The following FRMD4B variants were observed in gnomAD, a reference collection of about 807,000 sequenced individuals.
The protein encoded by FRMD4B is FERM domain containing 4B.
In FRMD4B, 74 loss-of-function variants were observed where a neutral mutation model predicts 141.5. That is an observed-to-expected ratio of 0.52 (90% confidence interval 0.43 to 0.63). The LOEUF (loss-of-function observed/expected upper bound fraction) is 0.63. Among genes scored for constraint, FRMD4B ranks in the 30% least tolerant of loss-of-function variants. The pLI is 0.00. For synonymous variants in FRMD4B, 506 were observed against 467.9 expected, an observed-to-expected ratio of 1.08 and a Z score of -1.05; for missense variants, 1,366 against 1,253.4, an observed-to-expected ratio of 1.09 and a Z score of -1.36.
chr3:69,501,299 C>A (rs1706493054), intron 1 of FRMD4B, among the ~76,000 whole-genome samples: 1 of 144,676 alleles, frequency 6.9e-6, no homozygotes, highest in South Asian at 2.2e-4. Context: ...TGGCCCAAGA[C>A]AATTCTTCCA....
At chr3:69,244,852 T>C (rs11708266) in intron 7 of FRMD4B, among the ~76,000 whole-genome samples, 35,803 of 152,026 alleles carry the variant, frequency 0.24, 4,462 homozygotes, top group African/African-American at 0.32. Flanking sequence ...TGCACTCCAG[T>C]CTGGATAACA....
intron 7 of FRMD4B, among the ~76,000 whole-genome samples, chr3:69,230,704 C>T (rs2093298424): frequency 6.6e-6 from 1 of 151,562 alleles, no homozygotes; most frequent in Non-Finnish European, 1.5e-5. Context: ...GTTGAGATCG[C>T]ATCATCGCAC....
At chr3:69,486,849 C>T (rs1232875399) in intron 1 of FRMD4B, among the ~76,000 whole-genome samples, 1 of 152,186 alleles carries the variant, frequency 6.6e-6, no homozygotes, top group Non-Finnish European at 1.5e-5. Context: ...AGAATAATTT[C>T]ACAAAGCCTC....
At chr3:69,489,829 C>T (rs923446017) in intron 1 of FRMD4B, among the ~76,000 whole-genome samples, 3 of 152,186 alleles carry the variant, frequency 2.0e-5, no homozygotes, top group African/African-American at 2.4e-5. Context: ...GAGAACAAGC[C>T]TAATATTCAT....
chr3:69,281,839 AT>A (rs1479627323), intron 5 of FRMD4B, among the ~76,000 whole-genome samples: 2 of 36,832 alleles, frequency 5.4e-5, no homozygotes, highest in African/African-American at 1.4e-4. Context: ...AAAAAAAAAA[AT>A]ATATATATAT....
At chr3:69,456,582 C>T (rs1363962125) in intron 1 of FRMD4B, among the ~76,000 whole-genome samples, 1 of 152,098 alleles carries the variant, frequency 6.6e-6, no homozygotes, top group Admixed American at 6.5e-5. Context: ...CTATGTTAAT[C>T]GTGTCTCCTG....
chr3:69,396,694 C>T (rs923786025), intron 2 of FRMD4B, among the ~76,000 whole-genome samples: 24 of 152,160 alleles, frequency 1.6e-4, no homozygotes, highest in Admixed American at 1.3e-3. Flanking sequence ...TGAATAATAA[C>T]AAATGTTGGC....
chr3:69,259,580 G>A (rs980987766), intron 5 of FRMD4B, among the ~76,000 whole-genome samples: 4 of 152,094 alleles, frequency 2.6e-5, no homozygotes, highest in Non-Finnish European at 5.9e-5. Context: ...TCTCTCCTTT[G>A]CTCTGGGTCA....
chr3:69,490,996 A>G (rs1220319137), intron 1 of FRMD4B, among the ~76,000 whole-genome samples: 2 of 152,206 alleles, frequency 1.3e-5, no homozygotes, highest in African/African-American at 4.8e-5. Context: ...TCTCCCCGAG[A>G]GACTGATTCC....
intron 11 of FRMD4B, among the ~76,000 whole-genome samples, chr3:69,213,644 C>A (rs113542032): frequency 7.0e-6 from 1 of 142,220 alleles, no homozygotes. Context: ...TTGAATGATG[C>A]GCTGTTGTTT....
chr3:69,429,454 A>G (rs1705141605), intron 2 of FRMD4B, among the ~76,000 whole-genome samples: 1 of 152,202 alleles, frequency 6.6e-6, no homozygotes, highest in Admixed American at 6.5e-5. Context: ...CCAGTCTCAT[A>G]GGTGACGAGC....
At chr3:69,487,799 C>T (rs1398010027) in intron 1 of FRMD4B, among the ~76,000 whole-genome samples, 2 of 152,144 alleles carry the variant, frequency 1.3e-5, no homozygotes, top group Non-Finnish European at 2.9e-5. Context: ...AGAGGATTCA[C>T]GGAGAGAGGA....
At position 69,373,669 on chromosome 3, in the gene FRMD4B, T is replaced by C. The variant is rs142380766; in HGVS notation, c.162+12159A>G. Among the ~76,000 whole-genome samples the C allele has an allele frequency of 3.8e-3, 573 of 152,154 alleles. 1 individual carries two copies. The highest frequency in any genetic ancestry group is 0.01 in the Middle Eastern group (3 of 294). The stretch of plus-strand genomic sequence containing the variant: ...GGGAGGATTGCTTGAGGGCAGGATT[T>C]CAAGACCAGCCTGGGCAACAACAAG... On this transcript the variant is annotated intron_variant, in intron 1 of 22. Transcript: ENST00000398540.
At chr3:69,182,347 C>T (rs568546875) in intron 20 of FRMD4B, among the ~76,000 whole-genome samples, 1 of 152,264 alleles carries the variant, frequency 6.6e-6, no homozygotes, top group Admixed American at 6.5e-5. Flanking sequence ...TCATCCTCAC[C>T]ATTGAATAAT....
At chr3:69,369,277 T>G (rs1384326625) in intron 1 of FRMD4B, among the ~76,000 whole-genome samples, 1 of 152,218 alleles carries the variant, frequency 6.6e-6, no homozygotes, top group East Asian at 1.9e-4. Flanking sequence ...TGTCATACAT[T>G]AAGTATGCAC....
intron 1 of FRMD4B, among the ~76,000 whole-genome samples, chr3:69,485,600 C>T (rs964316255): frequency 7.9e-5 from 12 of 152,222 alleles, no homozygotes; most frequent in Non-Finnish European, 1.3e-4. Context: ...AGGGCTCCCG[C>T]TTGTCCCTGG....
intron 1 of FRMD4B, among the ~76,000 whole-genome samples, chr3:69,437,203 G>A (rs1472178297): frequency 1.3e-5 from 2 of 152,038 alleles, no homozygotes; most frequent in African/African-American, 4.8e-5. Flanking sequence ...CTCCTGAGTA[G>A]CTGGGACCAC....
At chr3:69,196,193 T>C (rs2092901590) in intron 14 of FRMD4B, 62 bp downstream of exon 14, 11 of 1,341,568 alleles carry the variant, frequency 8.2e-6, no homozygotes, top group Non-Finnish European at 1.0e-5. Context: ...CGAAGTGGTT[T>C]ATGACCGAAA....
Position 69,181,006 on chromosome 3 carries a change from C to T in FRMD4B, c.2744G>A (p.Ser915Asn). 1 of 1,614,020 alleles carries T rather than the reference C, an allele frequency of 6.2e-7. No individual in the cohort carries two copies. The highest frequency in any genetic ancestry group is 1.1e-5 in the South Asian group (1 of 91,090). ...RASGQKDQGHSPQTSFDSDRG... is the reference protein window; with the variant it reads ...RASGQKDQGHNPQTSFDSDRG... ...GTCTGAGTCAAAGCTGGTCTGCGGGCTGTGTCCCTGATCCTTCTGCCCAGA... is the reference window on the plus strand; with the variant it reads ...GTCTGAGTCAAAGCTGGTCTGCGGGTTGTGTCCCTGATCCTTCTGCCCAGA... The change falls in exon 21 of 23, where the codon AGC becomes AAC. Residue 915 changes from serine (S) to asparagine (N), a missense_variant. Ser to Asn is a conservative substitution (Grantham distance 46, BLOSUM62 1). Coordinates refer to ENST00000398540, the MANE Select transcript of FRMD4B (RefSeq NM_015123.3).
Sources: allele counts gnomAD v4.1 joint callset (sites outside exome capture counted in the v4.1 genomes callset), GRCh38; gene constraint gnomAD v4.1.1; transcripts MANE v1.5; gene names NCBI Gene and HGNC (gene_info 2026-07-23, HGNC 2026-07-21).